KMT5A: variants seen among roughly 807,000 people sequenced by gnomAD.
KMT5A encodes the protein lysine methyltransferase 5A.
In KMT5A, 6 loss-of-function variants were observed where a neutral mutation model predicts 40.6. That is an observed-to-expected ratio of 0.15 (90% confidence interval 0.08 to 0.29). The LOEUF is 0.29. Ranked by LOEUF, KMT5A falls within the 10% of genes least tolerant of loss-of-function variation. The pLI is 1.00. For synonymous variants in KMT5A, 153 were observed against 178.8 expected (o/e 0.86, Z 1.15); for missense variants, 308 against 459.1 (o/e 0.67, Z 3.01).
Position 123,396,331 on chromosome 12 carries a change from C to T in KMT5A, c.510-14C>T, listed in dbSNP as rs981961456. ...GTCCTGATATTTATTTTCTCCTCTT[C>T]CCCTCTTACCCAGAGCTCAAGGAAA... On this transcript the variant is annotated splice_polypyrimidine_tract_variant and intron_variant, in intron 4 of 7. Coordinates refer to ENST00000402868, the MANE Select transcript of KMT5A (RefSeq NM_020382.7). 6 of 1,611,920 alleles carry T rather than the reference C, an allele frequency of 3.7e-6. No homozygotes were observed. Among genetic ancestry groups the T allele is most frequent in the African/African-American group, 1.3e-5 (1 of 74,966 alleles).
In KMT5A at chr12:123,409,222, G is replaced by T. The variant is rs1298363829; in HGVS notation, c.*1519G>T. On this transcript the variant is annotated 3_prime_UTR_variant, in exon 8 of 8. Coordinates refer to ENST00000402868, the MANE Select transcript of KMT5A (RefSeq NM_020382.7). ...CAAATTGGAAGAGGATCCGATGGGA[G>T]TGTAAATGTGAGACACAATGTCTTG... 6.6e-6 allele frequency: 1 copy of T among 152,640 alleles called. No homozygotes were observed. Among genetic ancestry groups the T allele is most frequent in the African/African-American group, 2.4e-5 (1 of 41,454 alleles). The allele number at this position is 152,640 out of a possible 1,614,324, so 9.5% of individuals were successfully genotyped here.
rs1876749682 is a variant in KMT5A, at chr12:123,384,530, G to A, written c.10+322G>A. Among the ~76,000 whole-genome samples the A allele has an allele frequency of 1.3e-5, 2 of 152,270 alleles. No homozygotes were observed. Among genetic ancestry groups the A allele is most frequent in the African/African-American group, 4.8e-5 (2 of 41,478 alleles). On this transcript the variant is annotated intron_variant, in intron 1 of 7. Transcript: ENST00000402868. This position sits in a 1 kb window ranked among gnomAD's most constrained non-coding sequence, Gnocchi z 5.7. Reference sequence around the variant, plus strand: ...AACTAAAGCGCAGGGCACCTCCAGGGAATAGGTGTTATTGATAGAAGTGGG... The same window carrying A: ...AACTAAAGCGCAGGGCACCTCCAGGAAATAGGTGTTATTGATAGAAGTGGG...
intron 4 of KMT5A, among the ~76,000 whole-genome samples, chr12:123,395,831 G>A (rs551961354): frequency 3.9e-5 from 6 of 152,032 alleles, no homozygotes; most frequent in South Asian, 2.1e-4. Context: ...CCAAAGTCCT[G>A]GGATTACAGG....
chr12:123,396,536 C>CT (rs1284073769), intron 5 of KMT5A, 104 bp downstream of exon 5: 1 of 1,085,604 alleles, frequency 9.2e-7, no homozygotes, highest in Admixed American at 2.0e-5. Flanking sequence ...TTTTCGTCAT[C>CT]TTGGAGCAAG....
chr12:123,401,210 G>A lies in KMT5A; in HGVS notation c.598-2363G>A, dbSNP rs556131117. Among the ~76,000 whole-genome samples, 7 of 135,428 alleles carry A rather than the reference G, an allele frequency of 5.2e-5. No individual in the cohort carries two copies. In the Admixed American group the frequency reaches 5.6e-4, roughly 11 times the overall value. The allele number at this position is 135,428 out of a possible 152,430, so 88.8% of individuals were successfully genotyped here. ...GTTGCCAAGGCTGGAGTGCAGTGGC[G>A]CGATCTTGGCTCACTGCAAGCTCCG... On this transcript the variant is annotated intron_variant, in intron 5 of 7. Coordinates refer to ENST00000402868, the MANE Select transcript of KMT5A (RefSeq NM_020382.7).
intron 4 of KMT5A, among the ~76,000 whole-genome samples, chr12:123,395,767 G>A (rs1877675449): frequency 6.6e-6 from 1 of 152,080 alleles, no homozygotes; most frequent in African/African-American, 2.4e-5. Context: ...GTTTCACCAT[G>A]TTGGTCAGGC....
chr12:123,390,218 T>C (rs1877194951), intron 2 of KMT5A: 1 of 449,174 alleles, frequency 2.2e-6, no homozygotes, highest in Admixed American at 2.5e-5. Flanking sequence ...CAGCACCAAG[T>C]GGTTAATCAG....
chr12:123,407,114 G>C (rs1878614861), intron 7 of KMT5A, among the ~76,000 whole-genome samples: 1 of 151,754 alleles, frequency 6.6e-6, no homozygotes, highest in South Asian at 2.1e-4. Context: ...AAGGCCAGAG[G>C]ATCACTTGAG....
chr12:123,389,484 CGGT>C lies in KMT5A; in HGVS notation c.65_67del (p.Val22del). On this transcript the variant is annotated inframe_deletion, in exon 2 of 8. Coordinates refer to ENST00000402868, the MANE Select transcript of KMT5A (RefSeq NM_020382.7). ...GTGGAGGCGGCGGCGGCGGCGGCGG[CGGT>C]GGCAGCGACGGCCCCGGGCCCGGAG... The C allele has an allele frequency of 3.6e-6, 4 of 1,114,528 alleles. No individual in the cohort carries two copies. Among genetic ancestry groups the C allele is most frequent in the Non-Finnish European group, 4.4e-6 (4 of 917,682 alleles). 69.0% of individuals were successfully genotyped at this position (1,114,528 alleles called of 1,614,324 possible).
Position 123,395,259 on chromosome 12 carries a change from C to T in KMT5A, c.502C>T (p.Arg168Ter), listed in dbSNP as rs754043470. ...GCCCATCAAGGGCAAACAGGCCCCCCGAAAAAAGTAAGTGCCCCATTCAGT... is the reference window on the plus strand; with the variant it reads ...GCCCATCAAGGGCAAACAGGCCCCCTGAAAAAAGTAAGTGCCCCATTCAGT... Reference protein sequence around the residue: ...KKPIKGKQAPRKKAQGKTQQN... With the variant: ...KKPIKGKQAP The change falls in exon 4 of 8, where the codon CGA becomes TGA. Residue 168 changes from arginine (R) to a stop codon, truncating the protein, a stop_gained. Coordinates refer to ENST00000402868, the MANE Select transcript of KMT5A (RefSeq NM_020382.7). LOFTEE classifies it high-confidence loss of function. 1.2e-6 allele frequency: 2 copies of T among 1,612,576 alleles called. No homozygotes were observed. Among genetic ancestry groups the T allele is most frequent in the Non-Finnish European group, 1.7e-6 (2 of 1,179,500 alleles).
At chr12:123,386,732 C>T (rs916057367) in intron 1 of KMT5A, among the ~76,000 whole-genome samples, 4 of 152,158 alleles carry the variant, frequency 2.6e-5, no homozygotes, top group African/African-American at 9.7e-5. Flanking sequence ...AGGGGTCAGT[C>T]CACCTACCTT....
chr12:123,394,094 A>ATT (rs1190709290), intron 3 of KMT5A, among the ~76,000 whole-genome samples: 2 of 115,598 alleles, frequency 1.7e-5, no homozygotes, highest in Admixed American at 1.1e-4. Flanking sequence ...TATTTACTTA[A>ATT]TTTTTTTTTC....
At chr12:123,393,519 G>A (rs1231745666) in intron 3 of KMT5A, among the ~76,000 whole-genome samples, 6 of 152,110 alleles carry the variant, frequency 3.9e-5, no homozygotes, top group Admixed American at 6.6e-5. Context: ...CATCCGCGGT[G>A]TAATAAGTAT....
At chr12:123,396,502 C>T (rs1370414931) in intron 5 of KMT5A, 70 bp downstream of exon 5, 8 of 1,391,882 alleles carry the variant, frequency 5.7e-6, no homozygotes, top group African/African-American at 2.8e-5. Context: ...TTGGCGTGTG[C>T]GTATGTGTGT....
At chr12:123,394,189 C>T (rs1292293924) in intron 3 of KMT5A, among the ~76,000 whole-genome samples, 3 of 149,610 alleles carry the variant, frequency 2.0e-5, no homozygotes, top group Non-Finnish European at 3.0e-5. Flanking sequence ...CTGCAACCTC[C>T]GCCTCCCAGG....
rs957236679 is a variant in KMT5A, at chr12:123,384,349, G to C, written c.10+141G>C. 136 of 1,198,944 alleles carry C rather than the reference G, an allele frequency of 1.1e-4. No individual in the cohort carries two copies. The highest frequency in any genetic ancestry group is 1.4e-4 in the Non-Finnish European group (123 of 854,144). 74.3% of individuals were successfully genotyped at this position (1,198,944 alleles called of 1,614,324 possible). A position where few individuals can be genotyped will look rare whatever the true frequency, so the allele number is the denominator to read the frequency against. ...GCTTGGGGACCCGCGTGGGGGGAGA[G>C]GGGGTGCTGCTGCGGAACCCGCCGG... is the stretch of plus-strand genomic sequence containing the variant. On this transcript the variant is annotated intron_variant, in intron 1 of 7. Coordinates refer to ENST00000402868, the MANE Select transcript of KMT5A (RefSeq NM_020382.7). The surrounding 1 kb of genome is among the most constrained non-coding windows in gnomAD (Gnocchi z 5.7).
rs578108947 is a variant in KMT5A at position 123,407,727 on chromosome 12, G to C, written c.*24G>C. 1.4e-4 allele frequency: 220 copies of C among 1,584,760 alleles called. 1 individual carries two copies. Among genetic ancestry groups the C allele is most frequent in the East Asian group, 4.1e-4 (18 of 43,836 alleles). Reference sequence around the variant, plus strand: ...AACCGGTGGGCCCCGTGCCCTCCCCGCCCCACTTTCCCTTCTTCAAAGGAC... The same window carrying C: ...AACCGGTGGGCCCCGTGCCCTCCCCCCCCCACTTTCCCTTCTTCAAAGGAC... On this transcript the variant is annotated 3_prime_UTR_variant, in exon 8 of 8. Coordinates refer to ENST00000402868, the MANE Select transcript of KMT5A (RefSeq NM_020382.7).
intron 5 of KMT5A, among the ~76,000 whole-genome samples, chr12:123,400,156 C>T (rs148312590): frequency 6.8e-6 from 1 of 147,642 alleles, no homozygotes; most frequent in Non-Finnish European, 1.5e-5. Context: ...TTAAAAAGGC[C>T]TCCCAAGTAG....
rs1876731677 is a variant in KMT5A, at chr12:123,384,267, T to G, written c.10+59T>G. Reference sequence around the variant, plus strand: ...GGGTCGGGGGTCGTGCTGGAGGGGTTGCCGGGGTGGAGGCAGCGGCTGCGG... The same window carrying G: ...GGGTCGGGGGTCGTGCTGGAGGGGTGGCCGGGGTGGAGGCAGCGGCTGCGG... On this transcript the variant is annotated intron_variant, in intron 1 of 7. Coordinates refer to ENST00000402868, the MANE Select transcript of KMT5A (RefSeq NM_020382.7). This position sits in a 1 kb window ranked among gnomAD's most constrained non-coding sequence, Gnocchi z 5.7. The G allele has an allele frequency of 6.2e-7, 1 of 1,602,430 alleles. No individual in the cohort carries two copies. The highest frequency in any genetic ancestry group is 1.3e-5 in the African/African-American group (1 of 74,494).
Sources: allele counts gnomAD v4.1 joint callset (sites outside exome capture counted in the v4.1 genomes callset), GRCh38; gene constraint gnomAD v4.1.1; non-coding constraint Gnocchi (gnomAD v3.1); transcripts MANE v1.5; gene names NCBI Gene and HGNC (gene_info 2026-07-23, HGNC 2026-07-21).